The following PDE10A variants were observed in gnomAD, a reference collection of about 807,000 sequenced individuals.
The protein encoded by PDE10A is cAMP and cAMP-inhibited cGMP 3',5'-cyclic phosphodiesterase 10A.
Under a neutral mutation model 97.7 loss-of-function variants are expected in PDE10A, and 39 were observed. The observed-to-expected ratio is 0.40, with a 90% confidence interval of 0.31 to 0.52. The LOEUF is 0.52. Ranked by LOEUF, PDE10A falls within the 20% of genes least tolerant of loss-of-function variation. The pLI, the probability that PDE10A is intolerant of heterozygous loss-of-function variation, is 0.56. For synonymous variants in PDE10A, 371 were observed against 376.8 expected, an observed-to-expected ratio of 0.98 and a Z score of 0.18; for missense variants, 731 against 1,047.8, an observed-to-expected ratio of 0.70 and a Z score of 4.17.
chr6:165,541,370 C>G (rs1783427689), intron 2 of PDE10A, among the ~76,000 whole-genome samples: 1 of 152,012 alleles, frequency 6.6e-6, no homozygotes, highest in Non-Finnish European at 1.5e-5. Flanking sequence ...CAGTTACACA[C>G]TGCTGGTCTT....
In PDE10A at chr6:165,515,283, T is replaced by C. The variant is rs180837435; in HGVS notation, c.994+28157A>G. Among the ~76,000 whole-genome samples the C allele has an allele frequency of 8.3e-3, 1,261 of 152,278 alleles. 15 individuals carry two copies. Among genetic ancestry groups the C allele is most frequent in the African/African-American group, 0.029 (1,191 of 41,562 alleles). On this transcript the variant is annotated intron_variant, in intron 2 of 21. Coordinates refer to ENST00000539869, the MANE Select transcript of PDE10A (RefSeq NM_001385079.1). ...AATATGTTAGTCTTCAGAGGTTAAC[T>C]ATGTTCTCAATACTTCTATAGTGCT...
At chr6:165,433,280 C>T (rs1283374901) in intron 6 of PDE10A, 151 bp from the exon 7 acceptor site, 9 of 572,842 alleles carry the variant, frequency 1.6e-5, no homozygotes, top group Non-Finnish European at 2.8e-5. Flanking sequence ...CACCATAAAT[C>T]TTAGGTAAGA....
chr6:165,948,574 G>A (rs546610976), intron 1 of PDE10A: 5 of 152,458 alleles, frequency 3.3e-5, no homozygotes, highest in Admixed American at 6.5e-5. Flanking sequence ...ATGCTCTCCC[G>A]TGTTTCCAGC....
intron 21 of PDE10A, 64 bp downstream of exon 21, chr6:165,336,059 A>C (rs1437547063): frequency 2.4e-6 from 3 of 1,257,686 alleles, no homozygotes; most frequent in Non-Finnish European, 3.5e-6. Flanking sequence ...GGGGTACAAA[A>C]ATCCTATACA....
intron 1 of PDE10A, among the ~76,000 whole-genome samples, chr6:165,742,676 A>C (rs1792755209): frequency 6.6e-6 from 1 of 152,150 alleles, no homozygotes; most frequent in Non-Finnish European, 1.5e-5. Context: ...ACTGGCTTGC[A>C]ATCAGGTGAG....
At chr6:165,830,603 G>A (rs781587188) in intron 1 of PDE10A, among the ~76,000 whole-genome samples, 5 of 152,140 alleles carry the variant, frequency 3.3e-5, no homozygotes, top group Non-Finnish European at 5.9e-5. Context: ...AAGACCAGAC[G>A]CTGAAACGCT....
chr6:165,930,837 A>C (rs746822717), intron 1 of PDE10A, among the ~76,000 whole-genome samples: 1 of 152,232 alleles, frequency 6.6e-6, no homozygotes, highest in Non-Finnish European at 1.5e-5. Context: ...GCTCACTGAC[A>C]CGAGGGGAGC....
intron 1 of PDE10A, chr6:165,894,476 G>GA: frequency 2.2e-6 from 1 of 456,088 alleles, no homozygotes; most frequent in Non-Finnish European, 4.4e-6. Context: ...GGTGGAGAGG[G>GA]AAAACCTAGA....
intron 2 of PDE10A, among the ~76,000 whole-genome samples, chr6:165,508,554 G>C (rs916549969): frequency 7.2e-5 from 11 of 151,804 alleles, no homozygotes; most frequent in African/African-American, 2.7e-4. Context: ...ACCTTAGAGA[G>C]GAATGAATGG....
At chr6:165,550,963 A>G (rs1403455219) in intron 1 of PDE10A, among the ~76,000 whole-genome samples, 2 of 152,248 alleles carry the variant, frequency 1.3e-5, no homozygotes, top group Non-Finnish European at 2.9e-5. Context: ...ATTCCAAAAC[A>G]TATACCAGAA....
intron 1 of PDE10A, among the ~76,000 whole-genome samples, chr6:165,787,981 C>T (rs1335903184): frequency 6.6e-6 from 1 of 152,198 alleles, no homozygotes; most frequent in East Asian, 1.9e-4. Flanking sequence ...AGACCACCTT[C>T]ATGTTCCTCA....
intron 1 of PDE10A, among the ~76,000 whole-genome samples, chr6:165,839,920 A>AT (rs1780192310): frequency 6.1e-5 from 2 of 32,986 alleles, no homozygotes; most frequent in African/African-American, 1.0e-4. Context: ...TCCATCCCCA[A>AT]CCTCATCTCC....
chr6:165,440,189 T>TA (rs1790335174), intron 5 of PDE10A, among the ~76,000 whole-genome samples: 1 of 152,232 alleles, frequency 6.6e-6, no homozygotes, highest in Non-Finnish European at 1.5e-5. Flanking sequence ...TGGAACTTGA[T>TA]ATATGGATGA....
intron 1 of PDE10A, among the ~76,000 whole-genome samples, chr6:165,610,375 C>CA (rs1458934293): frequency 6.6e-6 from 1 of 151,828 alleles, no homozygotes; most frequent in Non-Finnish European, 1.5e-5. Context: ...ACTAAAAATA[C>CA]AAAAAACTAG....
intron 1 of PDE10A, among the ~76,000 whole-genome samples, chr6:165,597,231 C>T (rs1045109735): frequency 1.3e-5 from 2 of 152,104 alleles, no homozygotes; most frequent in South Asian, 2.1e-4. Flanking sequence ...ACATAGTAGA[C>T]ACCCGATACC....
chr6:165,854,684 G>C (rs1036284164), intron 1 of PDE10A, among the ~76,000 whole-genome samples: 8 of 152,198 alleles, frequency 5.3e-5, no homozygotes, highest in African/African-American at 1.9e-4. Context: ...TCTGAGGAGC[G>C]TAGGCCAAGC....
intron 1 of PDE10A, among the ~76,000 whole-genome samples, chr6:165,646,851 C>T (rs1789423726): frequency 6.6e-6 from 1 of 152,190 alleles, no homozygotes; most frequent in Non-Finnish European, 1.5e-5. Context: ...AGTACACATG[C>T]CCATCCGACA....
chr6:165,588,281 C>CTTTTTTTCTTTTTT (rs1562606454), intron 1 of PDE10A, among the ~76,000 whole-genome samples: 1 of 37,036 alleles, frequency 2.7e-5, no homozygotes, highest in African/African-American at 5.7e-5. Flanking sequence ...ATTTTTTTTT[C>CTTTTTTTCTTTTTT]TTTTTTTTTT....
At chr6:165,408,114 T>C (rs949528455) in intron 13 of PDE10A, among the ~76,000 whole-genome samples, 2 of 152,208 alleles carry the variant, frequency 1.3e-5, no homozygotes, top group African/African-American at 4.8e-5. Context: ...ACAAGAATTT[T>C]CATGTACAAA....
Sources: gnomAD v4.1 joint callset for allele counts (sites outside exome capture counted in the v4.1 genomes callset) on GRCh38, gnomAD v4.1.1 for gene constraint, MANE v1.5 for transcripts, NCBI Gene and HGNC (gene_info 2026-07-23, HGNC 2026-07-21) for gene names.